Variants in CPEB2 observed in about 807,000 individuals in gnomAD.
The protein encoded by CPEB2 is cytoplasmic polyadenylation element binding protein 2.
Under a neutral mutation model 93.6 loss-of-function variants are expected in CPEB2, and 56 were observed. The observed-to-expected ratio is 0.60, with a 90% CI of 0.48 to 0.75. The LOEUF is 0.75. Ranked by LOEUF, CPEB2 falls within the 30% of genes least tolerant of loss-of-function variation. CPEB2 has a pLI of 0.00. For synonymous variants in CPEB2, 764 were observed against 586.3 expected (o/e 1.30, Z -4.38); for missense variants, 1,579 against 1,395.1 (o/e 1.13, Z -2.10).
chr4:15,036,830 T>C (rs2109039344), intron 5 of CPEB2, among the ~76,000 whole-genome samples: 1 of 152,320 alleles, frequency 6.6e-6, no homozygotes, highest in East Asian at 1.9e-4. Flanking sequence ...GGAAAAAAGT[T>C]ATGAGTATCA....
In CPEB2 at chr4:15,054,170, T is replaced by C; in HGVS notation, c.2414T>C (p.Val805Ala). The change falls in exon 8 of 12, where the codon GTA becomes GCA. Residue 805 changes from valine to alanine, a missense_variant. This residue lies in a region of CPEB2 where 168 missense variants were observed against 339.1 expected (regional missense o/e 0.50). Coordinates refer to ENST00000538197, the MANE Select transcript of CPEB2 (RefSeq NM_001177382.2). ...ASFRRFGPLV[V>A]DWPHKAESKS... is the part of the protein sequence containing the mutation. ...TTCAGAAGATTTGGGCCTTTGGTAG[T>C]AGATTGGCCTCATAAAGCAGAAAGC... 1.2e-6 allele frequency: 2 copies of C among 1,611,440 alleles called. No individual in the cohort carries two copies. The highest frequency in any genetic ancestry group is 1.7e-6 in the Non-Finnish European group (2 of 1,178,922).
At chr4:15,056,606 C>G (rs1483717242) in intron 8 of CPEB2, among the ~76,000 whole-genome samples, 2 of 152,120 alleles carry the variant, frequency 1.3e-5, no homozygotes, top group Non-Finnish European at 2.9e-5. Flanking sequence ...AAACCTTGTT[C>G]TTTCAAGCAA....
chr4:15,003,590 C>T lies in CPEB2; in HGVS notation c.917C>T (p.Pro306Leu). ...AATGCGGGCTTGGCCTCCTCGACGC[C>T]GGTGAACCCCGCGCCGGGCTCCATG... ...SPNAGLASST[P>L]VNPAPGSMES... Residue 306 changes from proline (P) to leucine (L), a missense_variant, in exon 1 of 12, where the codon CCG becomes CTG. Physicochemically the swap from Pro to Leu is moderately conservative, Grantham distance 98. Coordinates refer to ENST00000538197, the MANE Select transcript of CPEB2 (RefSeq NM_001177382.2). 1.4e-6 allele frequency: 2 copies of T among 1,475,966 alleles called. No individual in the cohort carries two copies. The highest frequency in any genetic ancestry group is 2.5e-5 in the South Asian group (2 of 78,860). The allele number at this position is 1,475,966 out of a possible 1,614,324, so 91.4% of individuals were successfully genotyped here.
rs1722235929 is a variant in CPEB2 at position 15,003,267 on chromosome 4, G to T, written c.594G>T (p.Pro198=). 6.6e-6 allele frequency: 10 copies of T among 1,523,088 alleles called. No individual in the cohort carries two copies. The highest frequency in any genetic ancestry group is 8.8e-6 in the Non-Finnish European group (10 of 1,141,260). The allele number at this position is 1,523,088 out of a possible 1,614,324, so 94.3% of individuals were successfully genotyped here. ...PHPPDSKPPP[P]PPPLHCPGRF... is the part of the protein sequence containing the mutation. ...CTCCGGACTCGAAGCCGCCGCCGCC[G>T]CCTCCGCCGCTCCACTGCCCCGGTC... The change falls in exon 1 of 12, where the codon CCG becomes CCT. Residue 198 remains proline, a synonymous_variant. Coordinates refer to ENST00000538197, the MANE Select transcript of CPEB2 (RefSeq NM_001177382.2).
At chr4:15,061,442 GATTA>G (rs1037304983) in intron 10 of CPEB2, among the ~76,000 whole-genome samples, 99 of 151,894 alleles carry the variant, frequency 6.5e-4, no homozygotes, top group African/African-American at 2.4e-3. Context: ...AGAAGGAAGG[GATTA>G]ATTGTGTTCA....
rs1254011231 is a variant in CPEB2, at chr4:15,004,189, A to G, written c.1516A>G (p.Asn506Asp). 1.5e-6 allele frequency: 2 copies of G among 1,350,638 alleles called. No homozygotes were observed. Among genetic ancestry groups the G allele is most frequent in the South Asian group, 1.3e-5 (1 of 76,926 alleles). The allele number at this position is 1,350,638 out of a possible 1,614,324, so 83.7% of individuals were successfully genotyped here. A position where few individuals can be genotyped will look rare whatever the true frequency, so the allele number is the denominator to read the frequency against. The change falls in exon 1 of 12, where the codon AAT becomes GAT. Residue 506 changes from asparagine (N) to aspartate (D), a missense_variant. Asn to Asp is a conservative substitution (Grantham distance 23). This residue lies in a region of CPEB2 where 1,411 missense variants were observed against 1,056.0 expected (regional missense o/e 1.34). Coordinates refer to ENST00000538197, the MANE Select transcript of CPEB2 (RefSeq NM_001177382.2). The stretch of plus-strand genomic sequence containing the variant: ...GCCCCCTCCGCCGCCGCCCGCCATG[A>G]ATATACCTCAACAGCAGCCCCCGCC... ...AVPPPPPPAM[N>D]IPQQQPPPPA...
At chr4:15,033,295 A>G (rs997193585) in intron 5 of CPEB2, 84 bp downstream of exon 5, 4 of 835,374 alleles carry the variant, frequency 4.8e-6, no homozygotes, top group Non-Finnish European at 6.0e-6. Context: ...CTGTCCATAC[A>G]CACAATTTAA....
intron 4 of CPEB2, among the ~76,000 whole-genome samples, chr4:15,022,970 T>C (rs770203392): frequency 6.6e-6 from 1 of 152,064 alleles, no homozygotes; most frequent in Non-Finnish European, 1.5e-5. Context: ...ACAAACTTAT[T>C]AAAACATACT....
At chr4:15,041,424 C>T (rs1156507528) in intron 6 of CPEB2, among the ~76,000 whole-genome samples, 15 of 148,838 alleles carry the variant, frequency 1.0e-4, no homozygotes, top group African/African-American at 2.7e-4. Flanking sequence ...TTTTTTGAGA[C>T]GGAGTTTCGC....
In CPEB2 at chr4:15,034,030, G is replaced by A. The variant is rs76685803; in HGVS notation, c.2176+819G>A. On this transcript the variant is annotated intron_variant, in intron 5 of 11. Coordinates refer to ENST00000538197, the MANE Select transcript of CPEB2 (RefSeq NM_001177382.2). Reference sequence around the variant, plus strand: ...AACAAAGACTGAAAATAAGGTACATGTGAAGCTAGACTATGTGAACTAATA... The same window carrying A: ...AACAAAGACTGAAAATAAGGTACATATGAAGCTAGACTATGTGAACTAATA... Among the ~76,000 whole-genome samples, 956 of 152,282 alleles carry A rather than the reference G, an allele frequency of 6.3e-3. 7 individuals are homozygous for A. Among genetic ancestry groups the A allele is most frequent in the African/African-American group, 0.022 (911 of 41,546 alleles).
rs969445958 is a variant in CPEB2 at position 15,003,525 on chromosome 4, G to C, written c.852G>C (p.Lys284Asn). The change falls in exon 1 of 12, where the codon AAG becomes AAC. Residue 284 changes from lysine to asparagine, a missense_variant. By Grantham distance (94) the Lys-to-Asn change is moderately conservative. Coordinates refer to ENST00000538197, the MANE Select transcript of CPEB2 (RefSeq NM_001177382.2). ...ACGGAGGCGCGGGCAGCCCTCGCAA[G>C]ACCCCAGCCGCGGGCGAGGGCAGCG... Reference protein sequence around the residue: ...RRHGGAGSPRKTPAAGEGSAA... With the variant: ...RRHGGAGSPRNTPAAGEGSAA... The C allele has an allele frequency of 2.8e-5, 41 of 1,439,142 alleles. No homozygotes were observed. Among genetic ancestry groups the C allele is most frequent in the Non-Finnish European group, 3.5e-5 (38 of 1,097,728 alleles). 89.1% of individuals were successfully genotyped at this position (1,439,142 alleles called of 1,614,324 possible). A position where few individuals can be genotyped will look rare whatever the true frequency, so the allele number is the denominator to read the frequency against.
intron 3 of CPEB2, among the ~76,000 whole-genome samples, chr4:15,014,115 T>TG (rs1258488234): frequency 6.6e-6 from 1 of 152,030 alleles, no homozygotes; most frequent in East Asian, 1.9e-4. Context: ...TCACACCTCT[T>TG]GCAATGAAGG....
At chr4:15,028,308 G>GA (rs1297125626) in intron 4 of CPEB2, among the ~76,000 whole-genome samples, 1 of 147,840 alleles carries the variant, frequency 6.8e-6, no homozygotes, top group African/African-American at 2.5e-5. Flanking sequence ...GAAATAAGCT[G>GA]AAAAAAAAGT....
intron 5 of CPEB2, among the ~76,000 whole-genome samples, chr4:15,038,707 G>A (rs1162417722): frequency 1.3e-5 from 2 of 151,394 alleles, no homozygotes; most frequent in Non-Finnish European, 2.9e-5. Flanking sequence ...TCCTGTCTCA[G>A]CCTCATGAGT....
intron 6 of CPEB2, among the ~76,000 whole-genome samples, chr4:15,050,080 A>G (rs1431753410): frequency 1.3e-5 from 2 of 152,222 alleles, no homozygotes; most frequent in African/African-American, 4.8e-5. Flanking sequence ...TAATATATAG[A>G]CAGATACCCA....
At chr4:15,061,388 G>A (rs1729176673) in intron 10 of CPEB2, among the ~76,000 whole-genome samples, 1 of 151,996 alleles carries the variant, frequency 6.6e-6, no homozygotes, top group African/African-American at 2.4e-5. Context: ...CAGAATTAGT[G>A]GGATAATATA....
intron 11 of CPEB2, among the ~76,000 whole-genome samples, chr4:15,062,903 AT>A (rs1006785852): frequency 7.9e-5 from 12 of 152,100 alleles, no homozygotes; most frequent in African/African-American, 2.7e-4. Flanking sequence ...CTACTGAATA[AT>A]TCCAAGTACT....
Position 15,003,071 on chromosome 4 carries a change from ACCT to A in CPEB2, c.404_406del (p.Leu135del). 6.6e-7 allele frequency: 1 copy of A among 1,514,272 alleles called. No homozygotes were observed. Among genetic ancestry groups the A allele is most frequent in the Non-Finnish European group, 8.8e-7 (1 of 1,139,990 alleles). 93.8% of individuals were successfully genotyped at this position (1,514,272 alleles called of 1,614,324 possible). On this transcript the variant is annotated inframe_deletion, in exon 1 of 12. Transcript: ENST00000538197. ...GGCGGCACGATCGCGGGTGTGACCC[ACCT>A]CCTCCCCTCCCAGGACTTCAAACCG...
intron 5 of CPEB2, among the ~76,000 whole-genome samples, chr4:15,037,764 T>C (rs1444847393): frequency 3.3e-5 from 5 of 152,202 alleles, no homozygotes; most frequent in Non-Finnish European, 7.3e-5. Flanking sequence ...ATGTTGTTTT[T>C]ACAACACTTC....
Sources: allele counts gnomAD v4.1 joint callset (sites outside exome capture counted in the v4.1 genomes callset), GRCh38; gene constraint gnomAD v4.1.1; regional missense constraint gnomAD v4.1.1; transcripts MANE v1.5; gene names NCBI Gene and HGNC (gene_info 2026-07-23, HGNC 2026-07-21).